The following C17orf67 variants were observed in gnomAD, a reference collection of about 807,000 sequenced individuals.
C17orf67 encodes chromosome 17 open reading frame 67.
C17orf67 carries 12 observed loss-of-function variants against 11.2 expected under a neutral mutation model. The observed-to-expected ratio is 1.07, with a 90% CI of 0.68 to 1.73. The LOEUF (loss-of-function observed/expected upper bound fraction) is 1.73, where lower values mean the gene tolerates loss of function less well. C17orf67 is among the 40% of genes most tolerant of loss of function. The probability of loss-of-function intolerance (pLI) is 0.00; values close to 1 mark genes in which losing one functional copy is unlikely to be tolerated. For missense variants in C17orf67, 115 were observed against 113.5 expected, an observed-to-expected ratio of 1.01 and a Z score of -0.06; for synonymous variants, 59 against 46.9, an observed-to-expected ratio of 1.26 and a Z score of -1.05.
At chr17:56,828,726 G>A (rs902949214) in intron 2 of C17orf67, among the ~76,000 whole-genome samples, 20 of 151,908 alleles carry the variant, frequency 1.3e-4, no homozygotes, top group African/African-American at 3.6e-4. Flanking sequence ...CCTAACTTTC[G>A]TGGCTTTCAT....
intron 6 of C17orf67, among the ~76,000 whole-genome samples, chr17:56,806,013 C>T (rs569466803): frequency 4.4e-5 from 5 of 113,466 alleles, no homozygotes; most frequent in East Asian, 6.0e-4. Context: ...CTCGCTCTGT[C>T]GTCCAGGCTG....
chr17:56,827,822 T>C (rs765567958), intron 2 of C17orf67, among the ~76,000 whole-genome samples: 17 of 152,234 alleles, frequency 1.1e-4, no homozygotes, highest in Admixed American at 1.3e-4. Flanking sequence ...AGTCAATGTA[T>C]TAGGAATGGA....
At chr17:56,824,190 T>C (rs2144147395) in intron 4 of C17orf67, among the ~76,000 whole-genome samples, 1 of 152,304 alleles carries the variant, frequency 6.6e-6, no homozygotes, top group South Asian at 2.1e-4. Context: ...AATTAGTTCT[T>C]ATAGGAGTGA....
At position 56,831,505 on chromosome 17, in the gene C17orf67, G is replaced by C. The variant is rs112720802; in HGVS notation, c.-557+1393C>G. ...GGACATAGGTGGAGAACTTGGAGGA[G>C]CAATCACAGCATCAGCAAGGAACGT... On this transcript the variant is annotated intron_variant, in intron 2 of 7. Transcript: ENST00000397861. Among the ~76,000 whole-genome samples, 732 of 152,276 alleles carry C rather than the reference G, an allele frequency of 4.8e-3. 2 individuals carry two copies. Among genetic ancestry groups the C allele is most frequent in the African/African-American group, 0.017 (694 of 41,536 alleles).
chr17:56,801,312 ATG>A (rs1401497561), intron 6 of C17orf67, among the ~76,000 whole-genome samples: 1 of 152,208 alleles, frequency 6.6e-6, no homozygotes, highest in African/African-American at 2.4e-5. Context: ...TGTTTTTGGC[ATG>A]TATCAATATC....
At chr17:56,816,581 T>C (rs751980197) in intron 4 of C17orf67, among the ~76,000 whole-genome samples, 2 of 152,200 alleles carry the variant, frequency 1.3e-5, no homozygotes, top group African/African-American at 2.4e-5. Context: ...TCACACATTA[T>C]GGATGCCAAG....
intron 7 of C17orf67, 61 bp downstream of exon 7, chr17:56,794,983 A>G (rs993084340): frequency 1.6e-6 from 2 of 1,231,798 alleles, no homozygotes; most frequent in Admixed American, 3.4e-5. Flanking sequence ...CTCCCAGCCC[A>G]TGCCATGCTG....
At chr17:56,795,747 T>A (rs72837336) in intron 6 of C17orf67, among the ~76,000 whole-genome samples, 20,418 of 152,206 alleles carry the variant, frequency 0.13, 1,433 homozygotes, top group South Asian at 0.16. Context: ...ACTGGAAACA[T>A]GCCAAATAGC....
rs1567797704 is a variant in C17orf67, at chr17:56,815,765, C to T, written c.46G>A (p.Val16Ile). The T allele has an allele frequency of 6.2e-7, 1 of 1,610,308 alleles. No individual in the cohort carries two copies. The highest frequency in any genetic ancestry group is 1.1e-5 in the South Asian group (1 of 90,540). ...VLVLSLTLLTVFSETSPILTE... is the reference protein window; with the variant it reads ...VLVLSLTLLTIFSETSPILTE... ...TGGAGTCAGTGCCCACCTGAGAAGACAGTCAGTAAGGTAAGAGACAGCACG... is the reference window on the plus strand; with the variant it reads ...TGGAGTCAGTGCCCACCTGAGAAGATAGTCAGTAAGGTAAGAGACAGCACG... Residue 16 changes from valine (V) to isoleucine (I), a missense_variant, in exon 5 of 8, where the codon GTC becomes ATC. Physicochemically the swap from Val to Ile is conservative, Grantham distance 29. Coordinates refer to ENST00000397861, the MANE Select transcript of C17orf67 (RefSeq NM_001085430.4).
At chr17:56,814,477 G>A (rs1182450412) in intron 6 of C17orf67, among the ~76,000 whole-genome samples, 2 of 152,124 alleles carry the variant, frequency 1.3e-5, no homozygotes, top group Admixed American at 1.3e-4. Flanking sequence ...CTCCCTGCCT[G>A]GACAGACCAT....
intron 2 of C17orf67, among the ~76,000 whole-genome samples, chr17:56,828,896 G>A (rs1262875025): frequency 6.6e-6 from 1 of 150,432 alleles, no homozygotes; most frequent in African/African-American, 2.5e-5. Flanking sequence ...GGGATCCTTA[G>A]AGGATGTCGG....
intron 2 of C17orf67, among the ~76,000 whole-genome samples, chr17:56,826,638 T>C (rs988089151): frequency 5.9e-5 from 9 of 152,250 alleles, no homozygotes; most frequent in African/African-American, 2.2e-4. Context: ...ATCAGGCCTC[T>C]TCCCTGAGAA....
chr17:56,820,160 T>C (rs192193485), intron 4 of C17orf67, among the ~76,000 whole-genome samples: 10 of 152,320 alleles, frequency 6.6e-5, no homozygotes, highest in East Asian at 1.9e-4. Context: ...CATAAGCTAA[T>C]TGATATACAC....
chr17:56,818,260 GA>G (rs1356359968), intron 4 of C17orf67, among the ~76,000 whole-genome samples: 5 of 152,018 alleles, frequency 3.3e-5, no homozygotes, highest in Non-Finnish European at 7.4e-5. Context: ...TGGTTGGATA[GA>G]ACACTATTTT....
At chr17:56,811,675 T>G (rs1488413630) in intron 6 of C17orf67, among the ~76,000 whole-genome samples, 1 of 152,214 alleles carries the variant, frequency 6.6e-6, no homozygotes, top group Non-Finnish European at 1.5e-5. Flanking sequence ...GAAGAATGTC[T>G]GGTTTATCTT....
intron 6 of C17orf67, among the ~76,000 whole-genome samples, chr17:56,810,416 C>T (rs565063303): frequency 6.7e-6 from 1 of 149,912 alleles, no homozygotes; most frequent in East Asian, 2.0e-4. Flanking sequence ...CTCACACACA[C>T]CCCTCACACA....
chr17:56,821,899 G>T (rs887093761), intron 4 of C17orf67, among the ~76,000 whole-genome samples: 1 of 152,348 alleles, frequency 6.6e-6, no homozygotes, highest in South Asian at 2.1e-4. Context: ...GGTTTGTGCA[G>T]TTAAGTGTGC....
At chr17:56,802,518 A>T (rs1459573292) in intron 6 of C17orf67, among the ~76,000 whole-genome samples, 1 of 152,152 alleles carries the variant, frequency 6.6e-6, no homozygotes, top group Non-Finnish European at 1.5e-5. Flanking sequence ...GTTAACCCTG[A>T]TCTTTTATTA....
intron 4 of C17orf67, among the ~76,000 whole-genome samples, chr17:56,818,365 A>G (rs962140397): frequency 6.6e-6 from 1 of 152,154 alleles, no homozygotes; most frequent in African/African-American, 2.4e-5. Context: ...AATTTACAAT[A>G]GAAGTATTTT....
Sources: allele counts gnomAD v4.1 joint callset (sites outside exome capture counted in the v4.1 genomes callset), GRCh38; gene constraint gnomAD v4.1.1; transcripts MANE v1.5; gene names NCBI Gene and HGNC (gene_info 2026-07-23, HGNC 2026-07-21).